Variants in PHF10 observed in about 807,000 individuals in gnomAD.
PHF10 encodes BRG1-associated factor 45a.
PHF10 carries 51 observed loss-of-function variants against 68.5 expected under a neutral mutation model. That is an observed-to-expected ratio of 0.74 (90% CI 0.59 to 0.94). The LOEUF (loss-of-function observed/expected upper bound fraction) is 0.94. PHF10 is among the 40% of genes least tolerant of loss of function. PHF10 has a pLI of 0.00. For missense variants in PHF10, 460 were observed against 602.6 expected (o/e 0.76, Z 2.48); for synonymous variants, 204 against 203.5 (o/e 1.00, Z -0.02).
chr6:169,720,592 T>A (rs941876389), intron 2 of PHF10, among the ~76,000 whole-genome samples: 1 of 152,068 alleles, frequency 6.6e-6, no homozygotes, highest in Non-Finnish European at 1.5e-5. Flanking sequence ...ATGAAGTAAC[T>A]AAGTAGTCGT....
intron 1 of PHF10, among the ~76,000 whole-genome samples, chr6:169,723,605 C>T (rs1789237311): frequency 2.0e-5 from 3 of 152,146 alleles, no homozygotes; most frequent in Admixed American, 2.0e-4. Flanking sequence ...CAAGCAGGGC[C>T]GGCTGCCAAC....
intron 8 of PHF10, 112 bp downstream of exon 8, chr6:169,712,274 T>C (rs913480895): frequency 9.5e-6 from 9 of 947,424 alleles, no homozygotes; most frequent in Non-Finnish European, 1.2e-5. Context: ...GAATACTTTC[T>C]GGAAATTACA....
intron 7 of PHF10, 126 bp from the exon 8 acceptor site, chr6:169,712,665 T>A: frequency 3.0e-6 from 2 of 667,942 alleles, no homozygotes; most frequent in Non-Finnish European, 4.8e-6. Flanking sequence ...ACTAGAGTAC[T>A]AATTTTTCAT....
intron 1 of PHF10, among the ~76,000 whole-genome samples, chr6:169,721,970 A>G (rs763032913): frequency 5.9e-5 from 9 of 152,222 alleles, no homozygotes; most frequent in Non-Finnish European, 1.0e-4. Flanking sequence ...GGCATGCCAG[A>G]GCTGGACGGC....
At chr6:169,720,313 T>A (rs1789146697) in intron 2 of PHF10, among the ~76,000 whole-genome samples, 1 of 152,056 alleles carries the variant, frequency 6.6e-6, no homozygotes, top group Admixed American at 6.6e-5. Flanking sequence ...CACTCCTAGA[T>A]AAACATCCAA....
At chr6:169,710,959 G>A (rs1442759175) in intron 8 of PHF10, among the ~76,000 whole-genome samples, 1 of 151,824 alleles carries the variant, frequency 6.6e-6, no homozygotes, top group Non-Finnish European at 1.5e-5. Flanking sequence ...CAAGGTTTAA[G>A]ACCTCAGTAT....
chr6:169,710,314 T>C lies in PHF10; in HGVS notation c.1035A>G (p.Lys345=). The C allele has an allele frequency of 2.5e-6, 4 of 1,613,052 alleles. No homozygotes were observed. The highest frequency in any genetic ancestry group is 3.4e-6 in the Non-Finnish European group (4 of 1,179,074). ...SQEDSFQGRQ[K]SKDKAATPRK... is the part of the protein sequence containing the mutation. ...TTGGAGTGGCAGCTTTGTCTTTTGA[T>C]TTCTGTCTTCCCTGGAAAGAGTCCT... Residue 345 remains lysine (K), a synonymous_variant, in exon 9 of 12, where the codon AAA becomes AAG. Transcript: ENST00000339209.
At chr6:169,720,046 C>T (rs1199200500) in intron 2 of PHF10, among the ~76,000 whole-genome samples, 1 of 151,480 alleles carries the variant, frequency 6.6e-6, no homozygotes, top group Non-Finnish European at 1.5e-5. Context: ...TACAAATGGC[C>T]AAGCAGATGA....
intron 1 of PHF10, among the ~76,000 whole-genome samples, chr6:169,722,656 A>G (rs749328234): frequency 2.0e-5 from 3 of 152,220 alleles, no homozygotes; most frequent in Admixed American, 6.5e-5. Context: ...AGTAACAGCA[A>G]TATTGTTCCC....
At chr6:169,713,668 A>T (rs1304314762) in intron 7 of PHF10, among the ~76,000 whole-genome samples, 8 of 152,052 alleles carry the variant, frequency 5.3e-5, no homozygotes, top group African/African-American at 1.9e-4. Flanking sequence ...ATTTGAATTT[A>T]AAAAATCTTT....
intron 1 of PHF10, among the ~76,000 whole-genome samples, chr6:169,721,884 A>G (rs1245209575): frequency 6.6e-6 from 1 of 152,234 alleles, no homozygotes; most frequent in East Asian, 1.9e-4. Context: ...GCTAAATACT[A>G]TAGTCCTCTT....
Position 169,722,182 on chromosome 6 carries a change from A to G in PHF10, c.88-1071T>C, listed in dbSNP as rs1315235530. Among the ~76,000 whole-genome samples the G allele has an allele frequency of 2.6e-5, 4 of 152,248 alleles. No individual in the cohort carries two copies. In the East Asian group the frequency reaches 7.7e-4, roughly 29 times the overall value. ...ATTAGTTAAAATGATGATTATGATGATAATAAAGTCTCAAATGTCTCTAGC... is the reference window on the plus strand; with the variant it reads ...ATTAGTTAAAATGATGATTATGATGGTAATAAAGTCTCAAATGTCTCTAGC... On this transcript the variant is annotated intron_variant, in intron 1 of 11. Coordinates refer to ENST00000339209, the MANE Select transcript of PHF10 (RefSeq NM_018288.4).
intron 7 of PHF10, 142 bp downstream of exon 7, chr6:169,714,591 C>T (rs1383019023): frequency 4.7e-6 from 3 of 644,296 alleles, no homozygotes; most frequent in Non-Finnish European, 8.4e-6. Flanking sequence ...ACCACAGAAC[C>T]AGAGAAGAAT....
chr6:169,709,172 T>TA (rs1788873207), intron 9 of PHF10: 1 of 152,030 alleles, frequency 6.6e-6, no homozygotes. Context: ...TGAAGAAAGG[T>TA]AAATGAACAT....
At chr6:169,716,116 AAAG>A (rs757330300) in intron 4 of PHF10, 28 bp from the exon 5 acceptor site, 7 of 1,491,142 alleles carry the variant, frequency 4.7e-6, no homozygotes, top group Non-Finnish European at 6.3e-6. Flanking sequence ...ATAAAAAAAT[AAAG>A]AAGCTCTTTT....
At chr6:169,713,536 T>C (rs900348886) in intron 7 of PHF10, among the ~76,000 whole-genome samples, 3 of 150,964 alleles carry the variant, frequency 2.0e-5, no homozygotes, top group Non-Finnish European at 4.4e-5. Flanking sequence ...GAGGCAGAGG[T>C]TGCAGTGAGC....
intron 9 of PHF10, among the ~76,000 whole-genome samples, chr6:169,706,464 G>T (rs1232007864): frequency 6.6e-6 from 1 of 152,082 alleles, no homozygotes; most frequent in Non-Finnish European, 1.5e-5. Flanking sequence ...GAGTACTACT[G>T]ATCTTTCAGA....
chr6:169,712,656 C>G, intron 7 of PHF10, 117 bp from the exon 8 acceptor site: 2 of 737,420 alleles, frequency 2.7e-6, no homozygotes, highest in South Asian at 2.5e-5. Flanking sequence ...CTTTTGAAAA[C>G]TAGAGTACTA....
In PHF10 at chr6:169,712,390, G is replaced by A. The variant is rs750325825; in HGVS notation, c.953C>T (p.Thr318Ile). ...RGDEKRKNKG[T>I]SDSSSGNVSE... ...ACTAGAGAGAAATGTTCTCACCGAA[G>A]TGCCTTTATTTTTCCGTTTCTCATC... The change falls in exon 8 of 12, where the codon ACT becomes ATT. Residue 318 changes from threonine to isoleucine, a missense_variant. Transcript: ENST00000339209. 2 of 1,613,504 alleles carry A rather than the reference G, an allele frequency of 1.2e-6. No individual in the cohort carries two copies. The highest frequency in any genetic ancestry group is 4.5e-5 in the East Asian group (2 of 44,878).
Sources: gnomAD v4.1 joint callset for allele counts (sites outside exome capture counted in the v4.1 genomes callset) on GRCh38, gnomAD v4.1.1 for gene constraint, MANE v1.5 for transcripts, NCBI Gene and HGNC (gene_info 2026-07-23, HGNC 2026-07-21) for gene names.